OSCP1: variants seen among roughly 807,000 people sequenced by gnomAD.
The protein encoded by OSCP1 is protein OSCP1.
Under a neutral mutation model 45.1 loss-of-function variants are expected in OSCP1, and 35 were observed. That is an observed-to-expected ratio of 0.78 (90% CI 0.59 to 1.03). The LOEUF is 1.03. OSCP1 is among the 50% of genes least tolerant of loss of function. OSCP1 has a pLI of 0.00. For missense variants in OSCP1, 400 were observed against 470.7 expected (o/e 0.85, Z 1.39); for synonymous variants, 179 against 180.1 (o/e 0.99, Z 0.05).
rs1031982516 is a variant in OSCP1 at position 36,422,329 on chromosome 1, A to G, written c.750-110T>C. ...TATTCTGAGACATTAAATAGCATCC[A>G]GAAAGGTGCTGTGGGTACAGAATGC... is the stretch of plus-strand genomic sequence containing the variant. On this transcript the variant is annotated intron_variant, in intron 6 of 9. Transcript: ENST00000235532. 6.9e-6 allele frequency: 7 copies of G among 1,014,920 alleles called. No homozygotes were observed. In the African/African-American group the frequency reaches 7.9e-5, roughly 11 times the overall value. The allele number at this position is 1,014,920 out of a possible 1,614,324, so 62.9% of individuals were successfully genotyped here. A position where few individuals can be genotyped will look rare whatever the true frequency, so the allele number is the denominator to read the frequency against.
intron 4 of OSCP1, among the ~76,000 whole-genome samples, chr1:36,428,782 T>C (rs1436531087): frequency 2.0e-5 from 3 of 151,918 alleles, no homozygotes; most frequent in African/African-American, 7.3e-5. Flanking sequence ...CCATCTCTAC[T>C]AAAAATACAA....
At position 36,423,777 on chromosome 1, in the gene OSCP1, G is replaced by A. The variant is rs529775675; in HGVS notation, c.517-311C>T. 2.1e-3 allele frequency among the ~76,000 whole-genome samples: 321 copies of A among 152,126 alleles called. 1 individual carries two copies. The highest frequency in any genetic ancestry group is 6.1e-3 in the Admixed American group (93 of 15,300). ...CAGTCTCAGCTACTCAGGAGGCTGA[G>A]GCAGGAGAATTGCTTGAACCTGGAA... On this transcript the variant is annotated intron_variant, in intron 4 of 9. Coordinates refer to ENST00000235532, the MANE Select transcript of OSCP1 (RefSeq NM_145047.5).
Position 36,423,730 on chromosome 1 carries a change from C to T in OSCP1, c.517-264G>A, listed in dbSNP as rs552601303. ...TCTACTAAAAATACAAAAAATTAGC[C>T]GGGCGTGGTGGTGGGCACCTGCAGT... On this transcript the variant is annotated intron_variant, in intron 4 of 9. Transcript: ENST00000235532. Among the ~76,000 whole-genome samples the T allele has an allele frequency of 1.5e-4, 23 of 151,870 alleles. No individual in the cohort carries two copies. The East Asian group carries it at 3.7e-3, about 25-fold the overall frequency.
chr1:36,441,248 T>C (rs1649127955), intron 1 of OSCP1, among the ~76,000 whole-genome samples: 1 of 152,168 alleles, frequency 6.6e-6, no homozygotes, highest in East Asian at 1.9e-4. Flanking sequence ...CTCTTCTCGT[T>C]TCACTCTTTG....
intron 2 of OSCP1, among the ~76,000 whole-genome samples, chr1:36,437,762 G>T (rs1337002007): frequency 2.6e-5 from 4 of 152,106 alleles, no homozygotes; most frequent in African/African-American, 9.7e-5. Context: ...CAAGTGATCC[G>T]CCTGTCTCGG....
intron 4 of OSCP1, among the ~76,000 whole-genome samples, chr1:36,429,748 TTTTTA>T (rs1442375482): frequency 6.6e-6 from 1 of 151,408 alleles, no homozygotes; most frequent in Non-Finnish European, 1.5e-5. Context: ...TTTTATTTTA[TTTTTA>T]TTTATTTATT....
chr1:36,448,540 G>A (rs1649674698), intron 1 of OSCP1, among the ~76,000 whole-genome samples: 1 of 152,218 alleles, frequency 6.6e-6, no homozygotes, highest in Non-Finnish European at 1.5e-5. Flanking sequence ...GATCATTTCA[G>A]TATAGCATGG....
chr1:36,438,249 G>A (rs559973688), intron 2 of OSCP1, among the ~76,000 whole-genome samples: 29 of 148,552 alleles, frequency 2.0e-4, no homozygotes, highest in Admixed American at 6.2e-4. Context: ...CCCGGGAGGC[G>A]GACGTTGTGG....
At chr1:36,428,639 C>G (rs1557552268) in intron 4 of OSCP1, among the ~76,000 whole-genome samples, 1 of 152,192 alleles carries the variant, frequency 6.6e-6, no homozygotes, top group Admixed American at 6.5e-5. Context: ...GATTCATTTT[C>G]TTAATTAAAA....
At chr1:36,420,273 G>A (rs905073734) in intron 8 of OSCP1, 1 of 632,236 alleles carries the variant, frequency 1.6e-6, no homozygotes, top group Non-Finnish European at 2.5e-6. Flanking sequence ...ACTGCACCCG[G>A]CCCCATCTCT....
intron 4 of OSCP1, among the ~76,000 whole-genome samples, chr1:36,429,882 C>A: frequency 6.7e-6 from 1 of 149,904 alleles, no homozygotes; most frequent in East Asian, 1.9e-4. Flanking sequence ...ACTAACTCAG[C>A]TCACTGCAAC....
Position 36,422,789 on chromosome 1 carries a change from A to T in OSCP1, c.728T>A (p.Val243Asp), listed in dbSNP as rs1368609358. The change falls in exon 6 of 10, where the codon GTC becomes GAC. Residue 243 changes from valine (V) to aspartate (D), a missense_variant. By Grantham distance (152) the Val-to-Asp change is radical. Coordinates refer to ENST00000235532, the MANE Select transcript of OSCP1 (RefSeq NM_145047.5). The part of the protein sequence containing the change: ...EGSFELYGDR[V>D]LKLGTNMYSV... Reference sequence around the variant, plus strand: ...TTACATGTTAGTTCCCAGTTTCAGGACTCGGTCTCCATAAAGTTCAAAAGA... The same window carrying T: ...TTACATGTTAGTTCCCAGTTTCAGGTCTCGGTCTCCATAAAGTTCAAAAGA... The T allele has an allele frequency of 1.3e-6, 2 of 1,591,484 alleles. No homozygotes were observed. Among genetic ancestry groups the T allele is most frequent in the Non-Finnish European group, 1.7e-6 (2 of 1,167,084 alleles).
chr1:36,439,592 TGGGACC>T (rs1648989941), intron 1 of OSCP1, among the ~76,000 whole-genome samples: 3 of 152,212 alleles, frequency 2.0e-5, no homozygotes, highest in Non-Finnish European at 4.4e-5. Flanking sequence ...ATTATAAAAA[TGGGACC>T]AACAATGGTA....
chr1:36,440,085 T>G (rs2124805387), intron 1 of OSCP1, among the ~76,000 whole-genome samples: 1 of 152,334 alleles, frequency 6.6e-6, no homozygotes, highest in African/African-American at 2.4e-5. Flanking sequence ...ACAAAATCAC[T>G]TATTAAACAT....
At chr1:36,445,416 A>T (rs1197723819) in intron 1 of OSCP1, among the ~76,000 whole-genome samples, 30 of 152,266 alleles carry the variant, frequency 2.0e-4, no homozygotes. Context: ...TTGCCACTAG[A>T]TTGTGGTATT....
intron 2 of OSCP1, among the ~76,000 whole-genome samples, chr1:36,435,176 C>A (rs1402474347): frequency 6.7e-6 from 1 of 149,630 alleles, no homozygotes; most frequent in African/African-American, 2.5e-5. Flanking sequence ...CTCACTGAAG[C>A]CTCAACCTCC....
chr1:36,427,485 A>T (rs1326602060), intron 4 of OSCP1, among the ~76,000 whole-genome samples: 1 of 146,906 alleles, frequency 6.8e-6, no homozygotes, highest in African/African-American at 2.5e-5. Context: ...CGCCCAGCTA[A>T]TTTTTGTATT....
chr1:36,424,585 C>T (rs528803446), intron 4 of OSCP1, among the ~76,000 whole-genome samples: 1 of 152,294 alleles, frequency 6.6e-6, no homozygotes, highest in Non-Finnish European at 1.5e-5. Flanking sequence ...GGAGCCCGAA[C>T]CTTATCCACA....
chr1:36,438,403 T>C (rs1489908224), intron 2 of OSCP1, among the ~76,000 whole-genome samples: 2 of 151,026 alleles, frequency 1.3e-5, no homozygotes, highest in Non-Finnish European at 2.9e-5. Context: ...GGCAGGAGAA[T>C]TGCTCAAGCC....
Sources: gnomAD v4.1 joint callset for allele counts (sites outside exome capture counted in the v4.1 genomes callset) on GRCh38, gnomAD v4.1.1 for gene constraint, MANE v1.5 for transcripts, NCBI Gene and HGNC (gene_info 2026-07-23, HGNC 2026-07-21) for gene names.